ZNF799: variants seen among roughly 807,000 people sequenced by gnomAD.
The protein encoded by ZNF799 is zinc finger protein 799.
In ZNF799, 28 loss-of-function variants were observed where a neutral mutation model predicts 41.0. The ratio of observed to expected loss-of-function variants is 0.68; its 90% confidence interval spans 0.51 to 0.94. ZNF799 has a LOEUF of 0.94. ZNF799 is among the 40% of genes least tolerant of loss of function. The pLI is 0.00. For missense variants in ZNF799, 716 were observed against 764.3 expected (o/e 0.94, Z 0.74); for synonymous variants, 213 against 252.9 (o/e 0.84, Z 1.50).
the ZNF799 span, among the ~76,000 whole-genome samples, chr19:12,407,670 A>C: frequency 2.0e-5 from 3 of 152,164 alleles, no homozygotes; most frequent in Non-Finnish European, 2.9e-5. Flanking sequence ...TAATAATATC[A>C]ACAATGTATT....
At chr19:12,392,237 G>A (rs1224945810) in intron 3 of ZNF799, 31 bp from the exon 4 acceptor site, 2 of 1,525,212 alleles carry the variant, frequency 1.3e-6, no homozygotes, top group Non-Finnish European at 1.8e-6. Context: ...ATCACTAAAA[G>A]TCGGTCTATA....
chr19:12,403,144 C>A (rs1256863146), upstream of ZNF799, among the ~76,000 whole-genome samples: 1 of 152,130 alleles, frequency 6.6e-6, no homozygotes, highest in African/African-American at 2.4e-5. Flanking sequence ...TTTATTTCTT[C>A]ATGGTTCAAT....
At chr19:12,408,983 C>T in the ZNF799 span, among the ~76,000 whole-genome samples, 2 of 151,650 alleles carry the variant, frequency 1.3e-5, no homozygotes, top group South Asian at 2.1e-4. Flanking sequence ...TGCAGTGAGC[C>T]GAGATCGCGC....
chr19:12,410,449 A>G, the ZNF799 span, among the ~76,000 whole-genome samples: 10 of 151,796 alleles, frequency 6.6e-5, no homozygotes, highest in Non-Finnish European at 1.5e-4. Context: ...GAAATGTTTG[A>G]AATGTAGCAA....
the ZNF799 span, among the ~76,000 whole-genome samples, chr19:12,408,185 G>A: frequency 6.6e-6 from 1 of 151,882 alleles, no homozygotes; most frequent in Admixed American, 6.6e-5. Context: ...GAAAAGAAAA[G>A]AAAAGAAAAT....
chr19:12,401,275 T>C (rs954274976), upstream of ZNF799: 166 of 1,365,592 alleles, frequency 1.2e-4, 3 homozygotes, highest in South Asian at 2.4e-3. Context: ...GATTGACAGT[T>C]CCCACGAACC....
rs747613797 is a variant in ZNF799 at position 12,391,662 on chromosome 19, T to C, written c.736A>G (p.Thr246Ala). The part of the protein sequence containing the change: ...FYSSYLRHER[T>A]HTGEKLYECK... ...TCATACAGTTTCTCCCCAGTATGTGTTCTTTCATGTCTTAGATAGGAACTG... is the reference window on the plus strand; with the variant it reads ...TCATACAGTTTCTCCCCAGTATGTGCTCTTTCATGTCTTAGATAGGAACTG... Residue 246 changes from threonine (T) to alanine (A), a missense_variant, in exon 4 of 4, where the codon ACA (threonine) becomes GCA (alanine). Transcript: ENST00000430385. 7 of 1,611,432 alleles carry C rather than the reference T, an allele frequency of 4.3e-6. No homozygotes were observed. Among genetic ancestry groups the C allele is most frequent in the Non-Finnish European group, 5.9e-6 (7 of 1,177,920 alleles).
intron 1 of ZNF799, chr19:12,398,349 AC>A (rs1163660176): frequency 6.6e-6 from 1 of 151,848 alleles, no homozygotes; most frequent in Non-Finnish European, 1.5e-5. Flanking sequence ...CTACTCTCTT[AC>A]CCTTCTATGC....
At chr19:12,400,936 C>G (rs1969972148) in intron 1 of ZNF799, 132 bp downstream of exon 1, 4 of 1,555,372 alleles carry the variant, frequency 2.6e-6, no homozygotes, top group Non-Finnish European at 3.5e-6. Context: ...CGAGGGCCGA[C>G]CTACGCCAGG....
chr19:12,404,480 G>T (rs144289490), upstream of ZNF799, among the ~76,000 whole-genome samples: 1 of 151,146 alleles, frequency 6.6e-6, no homozygotes, highest in East Asian at 1.9e-4. Flanking sequence ...TGTTGCCCAC[G>T]CTGGAGCGCA....
rs753303035 is a variant in ZNF799 at position 12,401,057 on chromosome 19, A to C, written c.3+11T>G. 90 of 1,613,932 alleles carry C rather than the reference A, an allele frequency of 5.6e-5. No individual in the cohort carries two copies. Among genetic ancestry groups the C allele is most frequent in the Middle Eastern group, 1.6e-4 (1 of 6,062 alleles). On this transcript the variant is annotated intron_variant, in intron 1 of 3. Coordinates refer to ENST00000430385, the MANE Select transcript of ZNF799 (RefSeq NM_001080821.3). ...CTCCCCCGCCTCGGGACGCCGGCCC[A>C]GCACACGCACCATTTCCCGACTTCC... is the stretch of plus-strand genomic sequence containing the variant.
At chr19:12,411,038 A>C in the ZNF799 span, among the ~76,000 whole-genome samples, 4 of 152,258 alleles carry the variant, frequency 2.6e-5, no homozygotes, top group African/African-American at 9.6e-5. Context: ...CTTCTGAAAA[A>C]GAGAAGCAGA....
At chr19:12,401,541 CTTTTTTTTT>C (rs769048606), upstream of ZNF799, among the ~76,000 whole-genome samples, 32 of 41,742 alleles carry the variant, frequency 7.7e-4, no homozygotes, top group African/African-American at 2.2e-3. Context: ...AACAATTATA[CTTTTTTTTT>C]TTTTTTTTTT....
At chr19:12,413,936 AC>A in the ZNF799 span, among the ~76,000 whole-genome samples, 1 of 152,086 alleles carries the variant, frequency 6.6e-6, no homozygotes, top group Admixed American at 6.5e-5. Flanking sequence ...CCGTCTCCGG[AC>A]CCCTAGGCCG....
chr19:12,398,699 G>GAGA (rs746939003), intron 1 of ZNF799, among the ~76,000 whole-genome samples: 3 of 152,096 alleles, frequency 2.0e-5, no homozygotes, highest in African/African-American at 4.8e-5. Flanking sequence ...TTTTAAAAAG[G>GAGA]AGAACTGAAC....
chr19:12,412,639 G>A, the ZNF799 span, among the ~76,000 whole-genome samples: 50,547 of 151,508 alleles, frequency 0.33, 8,997 homozygotes, highest in South Asian at 0.51. Context: ...ATTAGGCCCC[G>A]ACCAGGAAAA....
Position 12,390,972 on chromosome 19 carries a change from A to G in ZNF799, c.1426T>C (p.Tyr476His), listed in dbSNP as rs1969802833. The G allele has an allele frequency of 6.2e-7, 1 of 1,614,052 alleles. No individual in the cohort carries two copies. Among genetic ancestry groups the G allele is most frequent in the African/African-American group, 1.3e-5 (1 of 74,934 alleles). The change falls in exon 4 of 4, where the codon TAT becomes CAT. Residue 476 changes from tyrosine to histidine, a missense_variant. Coordinates refer to ENST00000430385, the MANE Select transcript of ZNF799 (RefSeq NM_001080821.3). ...GCTTTCCCACATTCCTTACACTCATATGGCTTCTCTCCAGCATGAGTTGTT... is the reference window on the plus strand; with the variant it reads ...GCTTTCCCACATTCCTTACACTCATGTGGCTTCTCTCCAGCATGAGTTGTT... ...HKTTHAGEKP[Y>H]ECKECGKAFS...
At chr19:12,407,629 C>G in the ZNF799 span, among the ~76,000 whole-genome samples, 1 of 152,100 alleles carries the variant, frequency 6.6e-6, no homozygotes, top group African/African-American at 2.4e-5. Flanking sequence ...TTTTCTAGTT[C>G]CTATCTGATG....
At chr19:12,400,732 T>C in intron 1 of ZNF799, 1 of 526,502 alleles carries the variant, frequency 1.9e-6, no homozygotes. Flanking sequence ...TTAAACTGTT[T>C]CTGCTGCAGC....
Sources: allele counts gnomAD v4.1 joint callset (sites outside exome capture counted in the v4.1 genomes callset), GRCh38; gene constraint gnomAD v4.1.1; transcripts MANE v1.5; gene names NCBI Gene and HGNC (gene_info 2026-07-23, HGNC 2026-07-21).